PRKAA2: variants seen among roughly 807,000 people sequenced by gnomAD.
PRKAA2 encodes 5'-AMP-activated protein kinase catalytic subunit alpha-2.
Under a neutral mutation model 56.3 loss-of-function variants are expected in PRKAA2, and 40 were observed. The ratio of observed to expected loss-of-function variants is 0.71; its 90% CI spans 0.55 to 0.92. The LOEUF is 0.92. Among genes scored for constraint, PRKAA2 ranks in the 40% least tolerant of loss-of-function variants. The pLI, the probability that PRKAA2 is intolerant of heterozygous loss-of-function variation, is 0.00. For missense variants in PRKAA2, 542 were observed against 686.9 expected (o/e 0.79, Z 2.36); for synonymous variants, 214 against 234.2 (o/e 0.91, Z 0.79).
chr1:56,679,897 G>A (rs917011282), intron 2 of PRKAA2, among the ~76,000 whole-genome samples: 3 of 152,050 alleles, frequency 2.0e-5, no homozygotes, highest in African/African-American at 7.2e-5. Flanking sequence ...CCTTGATGGT[G>A]ATCCATTTCC....
At chr1:56,693,336 T>C (rs1402719576) in intron 4 of PRKAA2, among the ~76,000 whole-genome samples, 1 of 152,196 alleles carries the variant, frequency 6.6e-6, no homozygotes, top group Non-Finnish European at 1.5e-5. Flanking sequence ...ATAATCTCTT[T>C]ATGAGGTGGG....
At chr1:56,662,734 A>G (rs1284443891) in intron 1 of PRKAA2, among the ~76,000 whole-genome samples, 1 of 152,220 alleles carries the variant, frequency 6.6e-6, no homozygotes, top group Non-Finnish European at 1.5e-5. Context: ...ACTAAAAGAA[A>G]ATAGGTTTGT....
chr1:56,695,293 A>G (rs1479669925), intron 5 of PRKAA2, among the ~76,000 whole-genome samples: 3 of 151,568 alleles, frequency 2.0e-5, no homozygotes, highest in African/African-American at 4.8e-5. Context: ...CTGGGCTCAG[A>G]TGATCCTCCC....
chr1:56,672,277 C>T (rs959892522), intron 1 of PRKAA2, among the ~76,000 whole-genome samples: 7 of 151,996 alleles, frequency 4.6e-5, no homozygotes, highest in African/African-American at 1.7e-4. Context: ...GCCACCACAC[C>T]CAGCTAATTT....
At chr1:56,688,469 G>T (rs1644206740) in intron 2 of PRKAA2, among the ~76,000 whole-genome samples, 1 of 152,160 alleles carries the variant, frequency 6.6e-6, no homozygotes, top group Admixed American at 6.5e-5. Flanking sequence ...TGAAGCTCAG[G>T]AAAACGCATC....
rs1387624099 is a variant in PRKAA2 at position 56,707,709 on chromosome 1, G to A, written c.1655G>A (p.Arg552His). The stretch of plus-strand genomic sequence containing the variant: ...GCCAGTCTGATTACTACTTTAGCCC[G>A]TTGATCTGTCTCTAGTTTCTTTCTG... Reference protein sequence around the residue: ...MCASLITTLAR With the variant: ...MCASLITTLAH Residue 552 changes from arginine (R) to histidine (H), a missense_variant, in exon 9 of 9, where the codon CGT becomes CAT. Coordinates refer to ENST00000371244, the MANE Select transcript of PRKAA2 (RefSeq NM_006252.4). The A allele has an allele frequency of 5.1e-6, 8 of 1,581,978 alleles. No homozygotes were observed. The highest frequency in any genetic ancestry group is 1.7e-5 in the Admixed American group (1 of 59,932).
At chr1:56,658,600 C>A (rs1269539805) in intron 1 of PRKAA2, among the ~76,000 whole-genome samples, 1 of 141,978 alleles carries the variant, frequency 7.0e-6, no homozygotes, top group Non-Finnish European at 1.5e-5. Context: ...CCCCCCCCGC[C>A]ATTTTTTGTT....
At chr1:56,693,122 A>C (rs1416309116) in intron 4 of PRKAA2, among the ~76,000 whole-genome samples, 1 of 152,190 alleles carries the variant, frequency 6.6e-6, no homozygotes, top group East Asian at 1.9e-4. Flanking sequence ...AAAGAGAAAG[A>C]GATAGAAAGG....
At chr1:56,655,085 A>G (rs968227058) in intron 1 of PRKAA2, among the ~76,000 whole-genome samples, 5 of 151,076 alleles carry the variant, frequency 3.3e-5, no homozygotes. Context: ...TAAATTATAA[A>G]TGAATTATAA....
At chr1:56,682,384 C>T (rs571804573) in intron 2 of PRKAA2, among the ~76,000 whole-genome samples, 20 of 152,058 alleles carry the variant, frequency 1.3e-4, no homozygotes, top group Middle Eastern at 3.4e-3. Context: ...TGACCTAAGA[C>T]CTAAAGGATG....
chr1:56,700,191 T>A (rs538905226), intron 6 of PRKAA2, among the ~76,000 whole-genome samples: 1 of 152,336 alleles, frequency 6.6e-6, no homozygotes, highest in South Asian at 2.1e-4. Flanking sequence ...ATCTGTATTC[T>A]TTTTTATATA....
intron 2 of PRKAA2, among the ~76,000 whole-genome samples, chr1:56,680,110 C>T (rs1569755997): frequency 2.0e-5 from 3 of 152,060 alleles, no homozygotes; most frequent in East Asian, 1.9e-4. Context: ...AAAAGTTAAA[C>T]GTGGATTTTT....
rs1452425071 is a variant in PRKAA2 at position 56,713,516 on chromosome 1, G to A, written c.*5803G>A. The A allele has an allele frequency of 6.6e-6, 1 of 151,794 alleles. No homozygotes were observed. Among genetic ancestry groups the A allele is most frequent in the South Asian group, 2.1e-4 (1 of 4,820 alleles). 9.4% of individuals were successfully genotyped at this position (151,794 alleles called of 1,614,324 possible). On this transcript the variant is annotated 3_prime_UTR_variant, in exon 9 of 9. Transcript: ENST00000371244. ...AAGTGTAATTAAATCCTAGAATAGA[G>A]CACTCTCCAGAAAAAAAAATGAAAA...
chr1:56,674,233 A>G, intron 1 of PRKAA2, 148 bp from the exon 2 acceptor site: 1 of 559,164 alleles, frequency 1.8e-6, no homozygotes, highest in Non-Finnish European at 2.9e-6. Context: ...TAGAAGAAAT[A>G]GAAGTAAAAA....
intron 6 of PRKAA2, 146 bp downstream of exon 6, chr1:56,696,305 C>T (rs1282569117): frequency 2.3e-5 from 16 of 685,404 alleles, no homozygotes; most frequent in Non-Finnish European, 3.6e-5. Context: ...GTCCTTGTTT[C>T]TCAAACCTAA....
chr1:56,704,064 A>G lies in PRKAA2; in HGVS notation c.882A>G (p.Lys294=). ...ACGTCATTGATGATGAGGCTGTGAA[A>G]GAAGTGTGTGAAAAATTTGAATGTA... ...DANVIDDEAV[K]EVCEKFECTE... is the part of the protein sequence containing the mutation. The change falls in exon 7 of 9, where the codon AAA becomes AAG. Residue 294 remains lysine (K), a synonymous_variant. Transcript: ENST00000371244. 1 of 1,614,156 alleles carries G rather than the reference A, an allele frequency of 6.2e-7. No individual in the cohort carries two copies. The highest frequency in any genetic ancestry group is 1.1e-5 in the South Asian group (1 of 91,084).
intron 1 of PRKAA2, among the ~76,000 whole-genome samples, chr1:56,646,232 T>C (rs1403155134): frequency 6.6e-6 from 1 of 152,136 alleles, no homozygotes; most frequent in African/African-American, 2.4e-5. Context: ...AACGCTGGAA[T>C]GCAGCTGGAT....
At chr1:56,666,105 C>A (rs1644034106) in intron 1 of PRKAA2, among the ~76,000 whole-genome samples, 1 of 152,168 alleles carries the variant, frequency 6.6e-6, no homozygotes, top group Non-Finnish European at 1.5e-5. Context: ...TATTCTAAAG[C>A]AGCAATACTA....
intron 1 of PRKAA2, among the ~76,000 whole-genome samples, chr1:56,661,011 G>T (rs1472702973): frequency 6.6e-6 from 1 of 152,058 alleles, no homozygotes; most frequent in Non-Finnish European, 1.5e-5. Context: ...TGTTGTTTTG[G>T]CAGGAGTCTG....
Sources: gnomAD v4.1 joint callset for allele counts (sites outside exome capture counted in the v4.1 genomes callset) on GRCh38, gnomAD v4.1.1 for gene constraint, MANE v1.5 for transcripts, NCBI Gene and HGNC (gene_info 2026-07-23, HGNC 2026-07-21) for gene names.